Variants in CNTNAP5 observed in about 807,000 individuals in gnomAD.
CNTNAP5 encodes the protein contactin associated protein family member 5, also known as contactin-associated protein-like 5.
Under a neutral mutation model 150.2 loss-of-function variants are expected in CNTNAP5, and 72 were observed. The observed-to-expected ratio is 0.48, with a 90% CI of 0.40 to 0.58. The LOEUF is 0.58. Among genes scored for constraint, CNTNAP5 ranks in the 20% least tolerant of loss-of-function variants. The probability of loss-of-function intolerance (pLI) is 0.00; values close to 1 mark genes in which losing one functional copy is unlikely to be tolerated. For missense variants in CNTNAP5, 1,636 were observed against 1,626.2 expected, an observed-to-expected ratio of 1.01 and a Z score of -0.10; for synonymous variants, 672 against 619.8, an observed-to-expected ratio of 1.08 and a Z score of -1.25.
intron 3 of CNTNAP5, among the ~76,000 whole-genome samples, chr2:124,282,225 G>T (rs780055): frequency 0.72 from 109,273 of 152,060 alleles, 40,194 homozygotes; most frequent in South Asian, 0.87. Context: ...GTATACTAAC[G>T]GTGCACCTTG....
intron 6 of CNTNAP5, among the ~76,000 whole-genome samples, chr2:124,451,989 G>A (rs1420644978): frequency 6.6e-6 from 1 of 152,128 alleles, no homozygotes; most frequent in Non-Finnish European, 1.5e-5. Flanking sequence ...TAGGGAGAAG[G>A]AAATCTCTAG....
intron 3 of CNTNAP5, among the ~76,000 whole-genome samples, chr2:124,349,145 C>T (rs1382562906): frequency 2.0e-5 from 3 of 150,024 alleles, no homozygotes. Context: ...TGTCATTAGG[C>T]AATTTCATTG....
At chr2:124,061,219 T>C (rs996815289) in intron 1 of CNTNAP5, among the ~76,000 whole-genome samples, 1 of 152,216 alleles carries the variant, frequency 6.6e-6, no homozygotes, top group Non-Finnish European at 1.5e-5. Flanking sequence ...CCTTTCAGTG[T>C]GGAAGAGGGT....
intron 1 of CNTNAP5, among the ~76,000 whole-genome samples, chr2:124,213,337 C>G (rs891613818): frequency 2.0e-5 from 3 of 152,126 alleles, no homozygotes; most frequent in Non-Finnish European, 4.4e-5. Flanking sequence ...TTGCAAAAAT[C>G]ATAACATAAT....
intron 3 of CNTNAP5, among the ~76,000 whole-genome samples, chr2:124,400,895 C>A (rs534885895): frequency 5.3e-5 from 8 of 151,192 alleles, no homozygotes; most frequent in Admixed American, 2.0e-4. Flanking sequence ...TTTTTGAGAC[C>A]GAGTCTCGCT....
At chr2:124,804,562 G>T (rs1038148411) in intron 19 of CNTNAP5, among the ~76,000 whole-genome samples, 1 of 152,184 alleles carries the variant, frequency 6.6e-6, no homozygotes, top group East Asian at 1.9e-4. Flanking sequence ...GCCCTAATCC[G>T]ACAGGATTAG....
intron 1 of CNTNAP5, among the ~76,000 whole-genome samples, chr2:124,147,657 T>C (rs1050950486): frequency 6.6e-6 from 1 of 152,020 alleles, no homozygotes; most frequent in Non-Finnish European, 1.5e-5. Context: ...AGCTCTGGAG[T>C]GGGTTTGAAA....
chr2:124,845,152 C>A (rs1324283528), intron 19 of CNTNAP5, among the ~76,000 whole-genome samples: 1 of 151,904 alleles, frequency 6.6e-6, no homozygotes, highest in Non-Finnish European at 1.5e-5. Context: ...GGTATGTCTC[C>A]TTTATGCCCA....
At chr2:124,472,027 A>G (rs1325995301) in intron 6 of CNTNAP5, among the ~76,000 whole-genome samples, 2 of 152,114 alleles carry the variant, frequency 1.3e-5, no homozygotes, top group East Asian at 3.9e-4. Context: ...TTTAGGAGCC[A>G]TTCATATGAT....
At chr2:124,633,974 C>T (rs879286907) in intron 12 of CNTNAP5, among the ~76,000 whole-genome samples, 2 of 152,148 alleles carry the variant, frequency 1.3e-5, no homozygotes, top group Non-Finnish European at 2.9e-5. Flanking sequence ...GCAGTGGGGC[C>T]CTGGTCCCGA....
rs192342427 is a variant in CNTNAP5, at chr2:124,896,693, C to G, written c.3437-6189C>G. Among the ~76,000 whole-genome samples the G allele has an allele frequency of 7.3e-5, 11 of 151,492 alleles. 2 individuals are homozygous for G. The highest frequency in any genetic ancestry group is 2.2e-4 in the African/African-American group (9 of 40,836). On this transcript the variant is annotated intron_variant, in intron 21 of 23. Transcript: ENST00000682447. ...AGCTGAGATTACAGGTGTGCACCACCATGTCCCGCTAATTTCTGTATTTTT... is the reference window on the plus strand; with the variant it reads ...AGCTGAGATTACAGGTGTGCACCACGATGTCCCGCTAATTTCTGTATTTTT...
At position 124,916,651 on chromosome 2, in the gene CNTNAP5, T is replaced by C. The variant is rs373138411; in HGVS notation, c.*2363T>C. The stretch of plus-strand genomic sequence containing the variant: ...TAACTCAGAGTATTTGATTTTCTCA[T>C]CTAAGTATATATGCTTGTAGATTGT... On this transcript the variant is annotated 3_prime_UTR_variant, in exon 24 of 24. Transcript: ENST00000682447. Among the ~76,000 whole-genome samples the C allele has an allele frequency of 6.6e-6, 1 of 152,084 alleles. No homozygotes were observed. Among genetic ancestry groups the C allele is most frequent in the South Asian group, 2.1e-4 (1 of 4,830 alleles).
At position 124,474,614 on chromosome 2, in the gene CNTNAP5, A is replaced by G. The variant is rs111312280; in HGVS notation, c.919-125A>G. ...TTAAATGTGTAATCAAGTAGCATCT[A>G]TAATTATTTGAGCCATTTGGCTCAA... On this transcript the variant is annotated intron_variant, in intron 6 of 23. Transcript: ENST00000682447. The G allele has an allele frequency of 3.2e-5, 23 of 711,668 alleles. 1 individual carries two copies. The highest frequency in any genetic ancestry group is 5.0e-5 in the Non-Finnish European group (22 of 441,098). The allele number at this position is 711,668 out of a possible 1,614,324, so 44.1% of individuals were successfully genotyped here.
At chr2:124,390,907 A>C (rs1691093584) in intron 3 of CNTNAP5, among the ~76,000 whole-genome samples, 2 of 152,192 alleles carry the variant, frequency 1.3e-5, no homozygotes, top group Admixed American at 1.3e-4. Flanking sequence ...GGAATTGAGA[A>C]ATTTCTATGA....
At chr2:124,536,978 T>G (rs939020791) in intron 10 of CNTNAP5, among the ~76,000 whole-genome samples, 9 of 151,848 alleles carry the variant, frequency 5.9e-5, no homozygotes, top group Non-Finnish European at 1.2e-4. Flanking sequence ...TAGTGAATCT[T>G]TAAATAATGG....
At chr2:124,627,023 G>A (rs1026723731) in intron 12 of CNTNAP5, among the ~76,000 whole-genome samples, 1 of 152,192 alleles carries the variant, frequency 6.6e-6, no homozygotes, top group Non-Finnish European at 1.5e-5. Flanking sequence ...CCTCACTGGA[G>A]AGGGCCTCCC....
chr2:124,312,696 G>A (rs561560940), intron 3 of CNTNAP5, among the ~76,000 whole-genome samples: 10 of 152,278 alleles, frequency 6.6e-5, no homozygotes, highest in South Asian at 4.1e-4. Flanking sequence ...TCAGCCTCCC[G>A]AGTAGCTGGG....
chr2:124,150,560 G>C (rs761324419), intron 1 of CNTNAP5, among the ~76,000 whole-genome samples: 2 of 152,166 alleles, frequency 1.3e-5, no homozygotes, highest in Non-Finnish European at 2.9e-5. Context: ...TCCATGATGA[G>C]GGTACCAGCA....
intron 2 of CNTNAP5, 30 bp from the exon 3 acceptor site, chr2:124,242,168 ACT>A: frequency 6.6e-7 from 1 of 1,520,288 alleles, no homozygotes; most frequent in Admixed American, 2.0e-5. Flanking sequence ...CATTACTACA[ACT>A]CTCTCTCACT....
Sources: allele counts gnomAD v4.1 joint callset (sites outside exome capture counted in the v4.1 genomes callset), GRCh38; gene constraint gnomAD v4.1.1; transcripts MANE v1.5; gene names NCBI Gene and HGNC (gene_info 2026-07-23, HGNC 2026-07-21).